Variants in PRDM16 observed in about 807,000 individuals in gnomAD.
PRDM16 encodes PR/SET domain 16.
In PRDM16, 23 loss-of-function variants were observed where a neutral mutation model predicts 110.6. The ratio of observed to expected loss-of-function variants is 0.21; its 90% CI spans 0.15 to 0.29. The LOEUF is 0.29. PRDM16 is among the 10% of genes least tolerant of loss of function. The pLI is 1.00. For missense variants in PRDM16, 1,615 were observed against 1,794.3 expected, an observed-to-expected ratio of 0.90 and a Z score of 1.81; for synonymous variants, 799 against 781.8, an observed-to-expected ratio of 1.02 and a Z score of -0.37.
At chr1:3,076,825 G>T (rs1370043250) in intron 1 of PRDM16, among the ~76,000 whole-genome samples, 1 of 152,198 alleles carries the variant, frequency 6.6e-6, no homozygotes, top group African/African-American at 2.4e-5. Flanking sequence ...TACCTGGATG[G>T]ATTTACTTAG....
intron 3 of PRDM16, among the ~76,000 whole-genome samples, chr1:3,361,072 G>T (rs1046631981): frequency 1.3e-5 from 2 of 152,234 alleles, no homozygotes; most frequent in Non-Finnish European, 2.9e-5. Flanking sequence ...TCCATTGAGC[G>T]CAGGAAAGGC....
chr1:3,071,976 G>A (rs1641774398), intron 1 of PRDM16, among the ~76,000 whole-genome samples: 1 of 152,208 alleles, frequency 6.6e-6, no homozygotes, highest in South Asian at 2.1e-4. Flanking sequence ...GGCGGCTCCG[G>A]GGGTGACCCG....
At chr1:3,203,167 C>A (rs1638673199) in intron 2 of PRDM16, among the ~76,000 whole-genome samples, 3 of 152,194 alleles carry the variant, frequency 2.0e-5, no homozygotes, top group Admixed American at 2.0e-4. Context: ...ACCTCGTCGT[C>A]TGTTGCTTTG....
At chr1:3,317,884 T>C (rs79749978) in intron 3 of PRDM16, among the ~76,000 whole-genome samples, 6,387 of 152,372 alleles carry the variant, frequency 0.042, 185 homozygotes, top group Non-Finnish European at 0.067. Flanking sequence ...TTTTCCTCTT[T>C]GTAATGCACT....
intron 3 of PRDM16, among the ~76,000 whole-genome samples, chr1:3,351,529 T>TCCCCCC (rs764834867): frequency 1.2e-4 from 1 of 8,212 alleles, no homozygotes; most frequent in African/African-American, 3.2e-4. Flanking sequence ...AACCCGTCTC[T>TCCCCCC]GTCCCCCTCC....
chr1:3,134,937 C>T (rs993628971), intron 1 of PRDM16, among the ~76,000 whole-genome samples: 7 of 152,282 alleles, frequency 4.6e-5, no homozygotes, highest in African/African-American at 9.6e-5. Flanking sequence ...ATTAGACGGC[C>T]GAGCTGCTGG....
intron 3 of PRDM16, among the ~76,000 whole-genome samples, chr1:3,271,587 G>A (rs898146577): frequency 6.6e-6 from 1 of 152,230 alleles, no homozygotes; most frequent in Non-Finnish European, 1.5e-5. Context: ...GACCTGGAGC[G>A]TGAGGCCAGG....
chr1:3,386,767 T>C (rs908457076), intron 4 of PRDM16: 1 of 152,092 alleles, frequency 6.6e-6, no homozygotes, highest in Non-Finnish European at 1.5e-5. Context: ...ATTTGCAGAG[T>C]GTGTCCTTAG....
intron 3 of PRDM16, among the ~76,000 whole-genome samples, chr1:3,333,534 G>A (rs1477157965): frequency 6.6e-6 from 1 of 152,204 alleles, no homozygotes; most frequent in African/African-American, 2.4e-5. Flanking sequence ...GGTGAGGGAG[G>A]AAAGATCTGC....
chr1:3,106,323 C>A (rs1642651319), intron 1 of PRDM16, among the ~76,000 whole-genome samples: 1 of 152,176 alleles, frequency 6.6e-6, no homozygotes, highest in Admixed American at 6.5e-5. Flanking sequence ...GAGGGGAGCT[C>A]CCTGGGCAGA....
At chr1:3,409,090 C>T (rs914431212) in intron 8 of PRDM16, among the ~76,000 whole-genome samples, 5 of 141,534 alleles carry the variant, frequency 3.5e-5, no homozygotes, top group Non-Finnish European at 7.8e-5. Context: ...AGTGTGGGCG[C>T]GTGTCTGTGA....
intron 2 of PRDM16, among the ~76,000 whole-genome samples, chr1:3,193,412 A>G (rs1405395836): frequency 6.6e-6 from 1 of 152,236 alleles, no homozygotes. Flanking sequence ...GCCAGCCACC[A>G]GAGGCTGGTT....
chr1:3,411,527 T>C lies in PRDM16; in HGVS notation c.1330T>C (p.Phe444Leu). 1 of 1,614,156 alleles carries C rather than the reference T, an allele frequency of 6.2e-7. No individual in the cohort carries two copies. The highest frequency in any genetic ancestry group is 8.5e-7 in the Non-Finnish European group (1 of 1,180,040). The change falls in exon 9 of 17, where the codon TTC becomes CTC. Residue 444 changes from phenylalanine to leucine, a missense_variant. This residue lies in a region of PRDM16 where 772 missense variants were observed against 748.3 expected (regional missense o/e 1.03). Coordinates refer to ENST00000270722, the MANE Select transcript of PRDM16 (RefSeq NM_022114.4). Reference protein sequence around the residue: ...TTSSLNKHRRFCEGKNHYTPG... With the variant: ...TTSSLNKHRRLCEGKNHYTPG... Reference sequence around the variant, plus strand: ...CTCCTCCCTCAACAAGCACCGGCGCTTCTGCGAGGGCAAGAACCATTACAC... The same window carrying C: ...CTCCTCCCTCAACAAGCACCGGCGCCTCTGCGAGGGCAAGAACCATTACAC...
At position 3,181,540 on chromosome 1, in the gene PRDM16, G is replaced by A. The variant is rs113067404; in HGVS notation, c.38-4585G>A. Among the ~76,000 whole-genome samples the A allele has an allele frequency of 4.1e-4, 15 of 36,470 alleles. 2 individuals carry two copies. Among genetic ancestry groups the A allele is most frequent in the African/African-American group, 5.6e-4 (5 of 9,004 alleles). 23.9% of individuals were successfully genotyped at this position (36,470 alleles called of 152,430 possible). ...GTCTTACACAAGCGGTCTTACACAC[G>A]GTCTTACACACGCAGTCTTACACAC... On this transcript the variant is annotated intron_variant, in intron 1 of 16. Transcript: ENST00000270722.
Position 3,434,280 on chromosome 1 carries a change from A to G in PRDM16, c.*469A>G, listed in dbSNP as rs1468525155. ...GGTAACCGTATTGACTGCAGAGTCT[A>G]TTTAAGCATGTGGTTTTAAAAATAG... On this transcript the variant is annotated 3_prime_UTR_variant, in exon 17 of 17. Transcript: ENST00000270722. The G allele has an allele frequency of 4.3e-6, 1 of 234,188 alleles. No individual in the cohort carries two copies. Among genetic ancestry groups the G allele is most frequent in the East Asian group, 6.1e-5 (1 of 16,504 alleles). The allele number at this position is 234,188 out of a possible 1,614,324, so 14.5% of individuals were successfully genotyped here.
intron 1 of PRDM16, among the ~76,000 whole-genome samples, chr1:3,131,084 G>A (rs567428558): frequency 1.3e-4 from 20 of 152,322 alleles, no homozygotes; most frequent in African/African-American, 4.6e-4. Flanking sequence ...ACGCCATGGT[G>A]TGTGGCTGGC....
chr1:3,367,559 G>A (rs944357041), intron 3 of PRDM16, among the ~76,000 whole-genome samples: 10 of 152,142 alleles, frequency 6.6e-5, no homozygotes, highest in South Asian at 4.2e-4. Flanking sequence ...GACAGCTGCC[G>A]GCCCAACAGC....
At chr1:3,071,106 C>T (rs1056392907) in intron 1 of PRDM16, among the ~76,000 whole-genome samples, 65 of 152,264 alleles carry the variant, frequency 4.3e-4, no homozygotes, top group African/African-American at 1.5e-3. Flanking sequence ...GCGTGTGGGC[C>T]GCCAGGTCAG....
At chr1:3,082,789 T>C (rs1342171546) in intron 1 of PRDM16, among the ~76,000 whole-genome samples, 1 of 152,028 alleles carries the variant, frequency 6.6e-6, no homozygotes, top group Non-Finnish European at 1.5e-5. Context: ...TTGTGCGGAG[T>C]CCACCGAGGG....
Sources: allele counts gnomAD v4.1 joint callset (sites outside exome capture counted in the v4.1 genomes callset), GRCh38; gene constraint gnomAD v4.1.1; regional missense constraint gnomAD v4.1.1; transcripts MANE v1.5; gene names NCBI Gene and HGNC (gene_info 2026-07-23, HGNC 2026-07-21).